GOLIM4: variants seen among roughly 807,000 people sequenced by gnomAD.
GOLIM4 encodes golgi integral membrane protein 4.
In GOLIM4, 71 loss-of-function variants were observed where a neutral mutation model predicts 107.4. That is an observed-to-expected ratio of 0.66 (90% confidence interval 0.55 to 0.81). The LOEUF is 0.81. Ranked by LOEUF, GOLIM4 falls within the 30% of genes least tolerant of loss-of-function variation. The probability of loss-of-function intolerance (pLI) is 0.00; values close to 1 mark genes in which losing one functional copy is unlikely to be tolerated. For synonymous variants in GOLIM4, 327 were observed against 294.8 expected (o/e 1.11, Z -1.12); for missense variants, 830 against 826.1 (o/e 1.00, Z -0.06).
chr3:168,047,607 TA>T (rs1397077068), intron 2 of GOLIM4, among the ~76,000 whole-genome samples: 1 of 152,092 alleles, frequency 6.6e-6, no homozygotes, highest in Non-Finnish European at 1.5e-5. Flanking sequence ...CCTACCAAGG[TA>T]GGCAGACAGA....
intron 1 of GOLIM4, among the ~76,000 whole-genome samples, chr3:168,070,338 A>T (rs996812804): frequency 4.6e-5 from 7 of 152,244 alleles, no homozygotes; most frequent in Non-Finnish European, 8.8e-5. Context: ...GGTTGCAGTA[A>T]GCCGAGATTG....
At chr3:168,082,386 T>C (rs888794548) in intron 1 of GOLIM4, among the ~76,000 whole-genome samples, 10 of 152,102 alleles carry the variant, frequency 6.6e-5, no homozygotes, top group African/African-American at 2.2e-4. Context: ...CCTCAAAATA[T>C]TGTTACTGTG....
intron 14 of GOLIM4, among the ~76,000 whole-genome samples, chr3:168,015,847 G>A: frequency 7.6e-6 from 1 of 132,338 alleles, no homozygotes. Flanking sequence ...TATGTAGAAA[G>A]CTGAAACTGG....
chr3:168,055,815 A>C (rs1482771686), intron 1 of GOLIM4, among the ~76,000 whole-genome samples: 1 of 151,492 alleles, frequency 6.6e-6, no homozygotes, highest in Non-Finnish European at 1.5e-5. Flanking sequence ...AAAAAAAAAA[A>C]AAGAGGTGAC....
chr3:168,047,656 GAATA>G (rs1194476924), intron 2 of GOLIM4, among the ~76,000 whole-genome samples: 3 of 152,100 alleles, frequency 2.0e-5, no homozygotes, highest in African/African-American at 4.8e-5. Context: ...CATAAAACAT[GAATA>G]AATAAATATC....
intron 8 of GOLIM4, 75 bp from the exon 9 acceptor site, chr3:168,032,927 T>C: frequency 8.9e-7 from 1 of 1,124,130 alleles, no homozygotes; most frequent in Non-Finnish European, 1.3e-6. Context: ...GATTTCCATG[T>C]CTATGGGGCA....
chr3:168,035,848 T>G (rs1718618005), intron 8 of GOLIM4, among the ~76,000 whole-genome samples: 1 of 150,224 alleles, frequency 6.7e-6, no homozygotes, highest in African/African-American at 2.5e-5. Context: ...TACAGATGAT[T>G]GGAAAAAAAA....
intron 1 of GOLIM4, among the ~76,000 whole-genome samples, chr3:168,075,653 A>G (rs144705758): frequency 4.8e-4 from 73 of 152,208 alleles, no homozygotes; most frequent in African/African-American, 1.5e-3. Flanking sequence ...TACTCTGGAA[A>G]TATTCTGAGC....
intron 1 of GOLIM4, among the ~76,000 whole-genome samples, chr3:168,089,870 C>T (rs1419009562): frequency 2.0e-5 from 3 of 151,078 alleles, no homozygotes; most frequent in Admixed American, 6.6e-5. Context: ...CAGGTTCAAG[C>T]AATTCTCATG....
chr3:168,034,529 A>G (rs1228190677), intron 8 of GOLIM4, among the ~76,000 whole-genome samples: 1 of 152,270 alleles, frequency 6.6e-6, no homozygotes, highest in East Asian at 1.9e-4. Flanking sequence ...AGGCTCATAT[A>G]TGAAGTCTAC....
At chr3:168,075,219 G>A (rs1721008679) in intron 1 of GOLIM4, among the ~76,000 whole-genome samples, 1 of 147,720 alleles carries the variant, frequency 6.8e-6, no homozygotes, top group African/African-American at 2.5e-5. Flanking sequence ...AAGGGACAAA[G>A]TTAATGACAA....
At chr3:168,012,919 C>T (rs1030173493) in intron 14 of GOLIM4, among the ~76,000 whole-genome samples, 3 of 151,568 alleles carry the variant, frequency 2.0e-5, no homozygotes, top group Non-Finnish European at 4.4e-5. Context: ...CAACCGGAAC[C>T]AGCCACTGCA....
chr3:168,010,963 A>G (rs1194116449), intron 14 of GOLIM4, 140 bp from the exon 15 acceptor site: 1 of 659,856 alleles, frequency 1.5e-6, no homozygotes, highest in African/African-American at 1.8e-5. Context: ...AGCAGAAGCA[A>G]AATTAAAGTA....
intron 9 of GOLIM4, among the ~76,000 whole-genome samples, chr3:168,030,450 A>G (rs1718257576): frequency 6.6e-6 from 1 of 151,886 alleles, no homozygotes; most frequent in Admixed American, 6.6e-5. Flanking sequence ...GAACAGTTAA[A>G]GACCGAGGGA....
intron 1 of GOLIM4, among the ~76,000 whole-genome samples, chr3:168,075,230 G>T (rs1458246273): frequency 6.8e-6 from 1 of 147,586 alleles, no homozygotes; most frequent in East Asian, 2.0e-4. Context: ...TTAATGACAA[G>T]AAGTATTTCT....
At chr3:168,045,869 A>G (rs1224246920) in intron 3 of GOLIM4, among the ~76,000 whole-genome samples, 1 of 152,220 alleles carries the variant, frequency 6.6e-6, no homozygotes, top group Non-Finnish European at 1.5e-5. Flanking sequence ...TGGGCTATCC[A>G]AAGAAGTGAC....
chr3:168,083,150 A>T (rs1721455476), intron 1 of GOLIM4, among the ~76,000 whole-genome samples: 1 of 152,214 alleles, frequency 6.6e-6, no homozygotes, highest in African/African-American at 2.4e-5. Flanking sequence ...TATTAATATC[A>T]CAAAAGAATA....
chr3:168,080,961 C>T (rs1183493309), intron 1 of GOLIM4, among the ~76,000 whole-genome samples: 1 of 152,110 alleles, frequency 6.6e-6, no homozygotes, highest in Admixed American at 6.6e-5. Flanking sequence ...TTGACTTTGA[C>T]ACCTGGAATC....
chr3:168,062,074 T>C (rs1171729019), intron 1 of GOLIM4, among the ~76,000 whole-genome samples: 7 of 152,228 alleles, frequency 4.6e-5, no homozygotes, highest in Non-Finnish European at 1.0e-4. Context: ...ATAAATAAAA[T>C]AGTGAAATAT....
Sources: gnomAD v4.1 joint callset for allele counts (sites outside exome capture counted in the v4.1 genomes callset) on GRCh38, gnomAD v4.1.1 for gene constraint, MANE v1.5 for transcripts, NCBI Gene and HGNC (gene_info 2026-07-23, HGNC 2026-07-21) for gene names.